Variants in PSTPIP2 observed in about 807,000 individuals in gnomAD.
PSTPIP2 encodes proline-serine-threonine phosphatase-interacting protein 2.
A neutral mutation model predicts 63.3 loss-of-function variants in PSTPIP2; 33 were observed. The observed-to-expected ratio is 0.52, with a 90% CI of 0.40 to 0.70. PSTPIP2 has a LOEUF of 0.70. Ranked by LOEUF, PSTPIP2 falls within the 30% of genes least tolerant of loss-of-function variation. The pLI is 0.00. For missense variants in PSTPIP2, 312 were observed against 400.7 expected (o/e 0.78, Z 1.89); for synonymous variants, 125 against 132.7 (o/e 0.94, Z 0.40).
chr18:46,031,479 C>A (rs536282411), intron 2 of PSTPIP2, among the ~76,000 whole-genome samples: 1 of 152,112 alleles, frequency 6.6e-6, no homozygotes, highest in African/African-American at 2.4e-5. Context: ...CAGCTCCTGA[C>A]AATGTAAAGT....
chr18:46,070,721 T>C (rs374031550), intron 1 of PSTPIP2, among the ~76,000 whole-genome samples: 7 of 152,016 alleles, frequency 4.6e-5, no homozygotes, highest in East Asian at 1.9e-4. Flanking sequence ...AGTCTCACTA[T>C]GTTGCCCAGG....
chr18:46,060,142 A>G (rs1908938598), intron 1 of PSTPIP2, among the ~76,000 whole-genome samples: 1 of 152,160 alleles, frequency 6.6e-6, no homozygotes, highest in Non-Finnish European at 1.5e-5. Context: ...TTAAATCGTC[A>G]TTTAAATATC....
intron 9 of PSTPIP2, among the ~76,000 whole-genome samples, chr18:45,994,319 T>A (rs2051569698): frequency 6.6e-6 from 1 of 152,240 alleles, no homozygotes; most frequent in Admixed American, 6.5e-5. Context: ...AGTGTATTTT[T>A]AAAATATTGA....
rs1208147954 is a variant in PSTPIP2 at position 45,984,944 on chromosome 18, G to C, written c.*515C>G. 6.3e-6 allele frequency: 1 copy of C among 157,668 alleles called. No homozygotes were observed. Among genetic ancestry groups the C allele is most frequent in the Non-Finnish European group, 1.4e-5 (1 of 71,334 alleles). The allele number at this position is 157,668 out of a possible 1,614,324, so 9.8% of individuals were successfully genotyped here. A position where few individuals can be genotyped will look rare whatever the true frequency, so the allele number is the denominator to read the frequency against. On this transcript the variant is annotated 3_prime_UTR_variant, in exon 15 of 15. Transcript: ENST00000409746. ...AAGGAAATTAATTTCACACTTGTAGGCTTTATTTCCTCATCTGTAAAATGA... is the reference window on the plus strand; with the variant it reads ...AAGGAAATTAATTTCACACTTGTAGCCTTTATTTCCTCATCTGTAAAATGA...
chr18:45,995,082 A>G (rs1310004934), intron 9 of PSTPIP2, among the ~76,000 whole-genome samples: 2 of 151,550 alleles, frequency 1.3e-5, no homozygotes, highest in Non-Finnish European at 2.9e-5. Context: ...TTTTATGGGG[A>G]AGGGGTTGTT....
At chr18:45,988,667 CATGACTCA>C in intron 14 of PSTPIP2, 27 bp downstream of exon 14, 1 of 1,504,134 alleles carries the variant, frequency 6.6e-7, no homozygotes. Context: ...CCAGTCTACA[CATGACTCA>C]ATTATGTGAA....
Position 46,067,923 on chromosome 18 carries a change from A to G in PSTPIP2, c.33+4233T>C, listed in dbSNP as rs147836511. 4.8e-3 allele frequency among the ~76,000 whole-genome samples: 735 copies of G among 152,254 alleles called. 1 individual carries two copies. Among genetic ancestry groups the G allele is most frequent in the Non-Finnish European group, 7.3e-3 (499 of 68,018 alleles). On this transcript the variant is annotated intron_variant, in intron 1 of 14. Coordinates refer to ENST00000409746, the MANE Select transcript of PSTPIP2 (RefSeq NM_024430.4). The stretch of plus-strand genomic sequence containing the variant: ...AGAGTATTTAAAAATTACAGCAACA[A>G]TCTAAACATTGTACAAAATACACTA...
At chr18:46,028,305 G>A (rs1281749584) in intron 2 of PSTPIP2, 3 of 462,622 alleles carry the variant, frequency 6.5e-6, no homozygotes, top group Non-Finnish European at 1.3e-5. Flanking sequence ...AGCCCGGAAC[G>A]AGGGCGGACT....
chr18:46,038,115 C>A (rs552847376), intron 2 of PSTPIP2, among the ~76,000 whole-genome samples: 1 of 152,118 alleles, frequency 6.6e-6, no homozygotes, highest in African/African-American at 2.4e-5. Context: ...GGCTAGAGGG[C>A]AGTGGTGCAA....
intron 3 of PSTPIP2, among the ~76,000 whole-genome samples, chr18:46,022,995 C>T (rs1599722068): frequency 6.6e-6 from 1 of 152,082 alleles, no homozygotes; most frequent in East Asian, 1.9e-4. Context: ...GGCCATTATC[C>T]TTAGCAAACT....
chr18:46,051,084 G>A (rs558517344), intron 1 of PSTPIP2, among the ~76,000 whole-genome samples: 43 of 152,200 alleles, frequency 2.8e-4, no homozygotes, highest in African/African-American at 7.7e-4. Context: ...GGCTGGTCTC[G>A]TACTCCTGAC....
Position 46,070,260 on chromosome 18 carries a change from A to G in PSTPIP2, c.33+1896T>C, listed in dbSNP as rs112866149. Among the ~76,000 whole-genome samples the G allele has an allele frequency of 5.8e-3, 877 of 152,306 alleles. 17 individuals carry two copies. The highest frequency in any genetic ancestry group is 0.033 in the Admixed American group (503 of 15,296). On this transcript the variant is annotated intron_variant, in intron 1 of 14. Coordinates refer to ENST00000409746, the MANE Select transcript of PSTPIP2 (RefSeq NM_024430.4). Reference sequence around the variant, plus strand: ...CCTCAAACCCTGCATGTCACCCACCAGACATTAGAGAGTACTCACTGACAT... The same window carrying G: ...CCTCAAACCCTGCATGTCACCCACCGGACATTAGAGAGTACTCACTGACAT...
intron 6 of PSTPIP2, 58 bp downstream of exon 6, chr18:46,005,411 C>T (rs2051714494): frequency 3.7e-6 from 5 of 1,369,618 alleles, no homozygotes; most frequent in East Asian, 2.3e-5. Flanking sequence ...TCATACACAG[C>T]ACAGGATTTC....
chr18:46,039,856 T>C (rs1908125537), intron 2 of PSTPIP2, 91 bp downstream of exon 2: 1 of 1,119,836 alleles, frequency 8.9e-7, no homozygotes, highest in Non-Finnish European at 1.4e-6. Flanking sequence ...TTCAGAACCA[T>C]TAAACACAAA....
At chr18:46,054,681 G>C (rs1340808804) in intron 1 of PSTPIP2, among the ~76,000 whole-genome samples, 1 of 115,728 alleles carries the variant, frequency 8.6e-6, no homozygotes, top group East Asian at 4.4e-4. Context: ...TTTTTTTTGA[G>C]ACAGAGTCTT....
At chr18:46,028,384 G>T (rs752860109) in intron 2 of PSTPIP2, 5 of 504,918 alleles carry the variant, frequency 9.9e-6, no homozygotes, top group African/African-American at 3.9e-5. Flanking sequence ...AAAACCGCCG[G>T]CCAGGCCAAG....
chr18:46,007,669 AT>A lies in PSTPIP2; in HGVS notation c.355-2139del, dbSNP rs571898755. 4.1e-4 allele frequency among the ~76,000 whole-genome samples: 58 copies of A among 141,870 alleles called. 1 individual carries two copies. In the South Asian group the frequency reaches 0.012, roughly 29 times the overall value. 93.1% of individuals were successfully genotyped at this position (141,870 alleles called of 152,430 possible). ...TATAGTTGGGAGCTGCTACTATATT[AT>A]ATTTTGTGGCCCCAGCTAGGCCACC... On this transcript the variant is annotated intron_variant, in intron 5 of 14. Coordinates refer to ENST00000409746, the MANE Select transcript of PSTPIP2 (RefSeq NM_024430.4).
intron 1 of PSTPIP2, 72 bp downstream of exon 1, chr18:46,072,084 C>T (rs1187878432): frequency 6.7e-7 from 1 of 1,497,974 alleles, no homozygotes; most frequent in Non-Finnish European, 8.9e-7. Context: ...GAGCCCCCCA[C>T]GCCCGCCGCG....
intron 2 of PSTPIP2, among the ~76,000 whole-genome samples, chr18:46,037,109 A>T (rs968238656): frequency 3.3e-5 from 5 of 152,104 alleles, no homozygotes; most frequent in Non-Finnish European, 4.4e-5. Flanking sequence ...GTCTCTAAGA[A>T]CCACAAATAT....
Sources: gnomAD v4.1 joint callset for allele counts (sites outside exome capture counted in the v4.1 genomes callset) on GRCh38, gnomAD v4.1.1 for gene constraint, MANE v1.5 for transcripts, NCBI Gene and HGNC (gene_info 2026-07-23, HGNC 2026-07-21) for gene names.